TMEM39A: variants seen among roughly 807,000 people sequenced by gnomAD.
The protein encoded by TMEM39A is suppressor of SQST-1 aggregates in rpl-43 mutants.
TMEM39A carries 19 observed loss-of-function variants against 51.9 expected under a neutral mutation model. The ratio of observed to expected loss-of-function variants is 0.37; its 90% CI spans 0.26 to 0.54. The LOEUF (loss-of-function observed/expected upper bound fraction) is 0.54. TMEM39A is among the 20% of genes least tolerant of loss of function. The probability of loss-of-function intolerance (pLI) is 0.88; values close to 1 mark genes in which losing one functional copy is unlikely to be tolerated. For synonymous variants in TMEM39A, 197 were observed against 220.2 expected (o/e 0.89, Z 0.93); for missense variants, 433 against 590.5 (o/e 0.73, Z 2.76).
chr3:119,461,096 G>GAGTAAAAAAA (rs2081331273), intron 2 of TMEM39A, among the ~76,000 whole-genome samples: 1 of 152,050 alleles, frequency 6.6e-6, no homozygotes, highest in Admixed American at 6.6e-5. Context: ...GAAATCCAAC[G>GAGTAAAAAAA]AACGGCAGAG....
At chr3:119,436,468 A>T in intron 7 of TMEM39A, 1 of 197,710 alleles carries the variant, frequency 5.1e-6, no homozygotes, top group Non-Finnish European at 1.0e-5. Context: ...GTCTTCTAAA[A>T]AGAAATAAAA....
chr3:119,432,188 C>T lies in TMEM39A; in HGVS notation c.1260G>A (p.Leu420=). Residue 420 remains leucine (L), a synonymous_variant, in exon 9 of 9, where the codon CTG becomes CTA. Coordinates refer to ENST00000319172, the MANE Select transcript of TMEM39A (RefSeq NM_018266.3). ...FYFLFHRPLR[L]LNLLILIEGS... is the part of the protein sequence containing the mutation. ...CCTCAATAAGGATGAGCAGATTTAA[C>T]AGCCTTAATGGTCGATGAAATAAGA... 1 of 1,612,116 alleles carries T rather than the reference C, an allele frequency of 6.2e-7. No homozygotes were observed. Among genetic ancestry groups the T allele is most frequent in the Non-Finnish European group, 8.5e-7 (1 of 1,178,800 alleles).
intron 5 of TMEM39A, among the ~76,000 whole-genome samples, chr3:119,439,146 TA>T (rs763941733): frequency 2.6e-5 from 4 of 152,256 alleles, no homozygotes; most frequent in Non-Finnish European, 2.9e-5. Context: ...TAACTTCTTA[TA>T]GTATTCCAAC....
chr3:119,435,005 GA>G, intron 7 of TMEM39A, 123 bp from the exon 8 acceptor site: 1 of 1,423,816 alleles, frequency 7.0e-7, no homozygotes, highest in South Asian at 1.4e-5. Context: ...CCTGAATTCT[GA>G]AAATACAGTA....
At chr3:119,446,181 T>C (rs2081122355) in intron 5 of TMEM39A, among the ~76,000 whole-genome samples, 1 of 152,204 alleles carries the variant, frequency 6.6e-6, no homozygotes, top group African/African-American at 2.4e-5. Context: ...CTCAGCATGA[T>C]TTTTCGTCTT....
chr3:119,451,151 C>G, intron 4 of TMEM39A: 1 of 849,300 alleles, frequency 1.2e-6, no homozygotes, highest in Non-Finnish European at 1.5e-6. Context: ...AATAAAAACT[C>G]TGAAAGAAAA....
intron 6 of TMEM39A, among the ~76,000 whole-genome samples, chr3:119,437,427 T>C (rs1458848738): frequency 3.3e-5 from 5 of 151,350 alleles, no homozygotes; most frequent in Admixed American, 3.3e-4. Flanking sequence ...TCAACCACAG[T>C]AGGCTGAGTT....
chr3:119,452,167 A>G (rs2081209899), intron 4 of TMEM39A, among the ~76,000 whole-genome samples: 1 of 152,202 alleles, frequency 6.6e-6, no homozygotes, highest in Non-Finnish European at 1.5e-5. Context: ...AATTCATCCT[A>G]TTTTTACTGA....
At position 119,462,396 on chromosome 3, in the gene TMEM39A, G is replaced by A. The variant is rs76683920; in HGVS notation, c.-74-248C>T. On this transcript the variant is annotated intron_variant, in intron 1 of 8. Coordinates refer to ENST00000319172, the MANE Select transcript of TMEM39A (RefSeq NM_018266.3). ...ATTTGTGTCTTTTGTCAACTGATTT[G>A]TATCATCTGTAAGATATTATAATCA... 7.8e-3 allele frequency among the ~76,000 whole-genome samples: 1,187 copies of A among 152,168 alleles called. 20 individuals carry two copies. Among genetic ancestry groups the A allele is most frequent in the South Asian group, 0.072 (345 of 4,824 alleles).
At chr3:119,440,358 A>C (rs2081034571) in intron 5 of TMEM39A, among the ~76,000 whole-genome samples, 1 of 152,230 alleles carries the variant, frequency 6.6e-6, no homozygotes, top group Non-Finnish European at 1.5e-5. Flanking sequence ...AAAATAATTC[A>C]TTAAAGGATT....
intron 2 of TMEM39A, 48 bp downstream of exon 2, chr3:119,461,914 A>T: frequency 7.1e-7 from 1 of 1,406,384 alleles, no homozygotes; most frequent in Non-Finnish European, 9.9e-7. Context: ...TGTTAGTCTT[A>T]CTGATCAAAG....
Position 119,449,679 on chromosome 3 carries a change from A to G in TMEM39A, c.421-2507T>C, listed in dbSNP as rs1198614443. 5.3e-5 allele frequency among the ~76,000 whole-genome samples: 8 copies of G among 151,842 alleles called. No homozygotes were observed. In the East Asian group the frequency reaches 1.2e-3, roughly 22 times the overall value. ...TAATGAGATTGTGAGCAATTTTTAA[A>G]TGTCCTGCTTTATATTTTAGTGTTT... On this transcript the variant is annotated intron_variant, in intron 4 of 8. Coordinates refer to ENST00000319172, the MANE Select transcript of TMEM39A (RefSeq NM_018266.3).
At chr3:119,451,256 AT>A in intron 4 of TMEM39A, 2 of 1,287,194 alleles carry the variant, frequency 1.6e-6, no homozygotes, top group Non-Finnish European at 2.0e-6. Flanking sequence ...TTGACTTAGT[AT>A]TTCCAGTTAC....
intron 3 of TMEM39A, among the ~76,000 whole-genome samples, chr3:119,457,132 G>A (rs899545466): frequency 9.2e-5 from 14 of 151,858 alleles, no homozygotes; most frequent in Non-Finnish European, 7.4e-5. Flanking sequence ...CATCACACAC[G>A]GTTAATTTTT....
Position 119,437,842 on chromosome 3 carries a change from T to C in TMEM39A, c.837A>G (p.Ala279=). ...CCTCCTTGATTCTGTGGTTGAAATC[T>C]GCTTTCAGACATTCTACTTCATTGC... The part of the protein sequence containing the change: ...LIRNEVECLK[A]DFNHRIKEVL... Residue 279 remains alanine, a synonymous_variant, in exon 6 of 9, where the codon GCA becomes GCG. Transcript: ENST00000319172. 6.2e-7 allele frequency: 1 copy of C among 1,609,176 alleles called. No homozygotes were observed. Among genetic ancestry groups the C allele is most frequent in the Non-Finnish European group, 8.5e-7 (1 of 1,175,778 alleles).
At chr3:119,440,684 A>G (rs1414582725) in intron 5 of TMEM39A, among the ~76,000 whole-genome samples, 1 of 152,184 alleles carries the variant, frequency 6.6e-6, no homozygotes, top group Non-Finnish European at 1.5e-5. Context: ...TATTGTCATA[A>G]TCTAGTATTT....
chr3:119,436,406 T>C (rs1327229168), intron 7 of TMEM39A, among the ~76,000 whole-genome samples: 1 of 152,160 alleles, frequency 6.6e-6, no homozygotes. Context: ...GTGAGATGAA[T>C]AGCTAGCAAC....
intron 1 of TMEM39A, 66 bp downstream of exon 1, chr3:119,463,270 G>A: frequency 3.6e-6 from 1 of 278,332 alleles, no homozygotes; most frequent in Admixed American, 5.3e-5. Context: ...AGTCTCCGCC[G>A]CACACCCAAG....
At chr3:119,434,670 G>A (rs2080945470) in intron 8 of TMEM39A, 92 bp downstream of exon 8, 3 of 1,514,350 alleles carry the variant, frequency 2.0e-6, no homozygotes, top group South Asian at 2.5e-5. Context: ...TTCCTAGTAT[G>A]TGCTACATGC....
Sources: gnomAD v4.1 joint callset for allele counts (sites outside exome capture counted in the v4.1 genomes callset) on GRCh38, gnomAD v4.1.1 for gene constraint, MANE v1.5 for transcripts, NCBI Gene and HGNC (gene_info 2026-07-23, HGNC 2026-07-21) for gene names.